The following BCO1 variants were observed in gnomAD, a reference collection of about 807,000 sequenced individuals.
BCO1 encodes beta-carotene oxygenase 1, also known as beta,beta-carotene 15,15'-dioxygenase.
Under a neutral mutation model 56.3 loss-of-function variants are expected in BCO1, and 54 were observed. That is an observed-to-expected ratio of 0.96 (90% CI 0.77 to 1.20). The LOEUF (loss-of-function observed/expected upper bound fraction) is 1.20. BCO1 is among the 50% of genes most tolerant of loss of function. BCO1 has a pLI of 0.00. For synonymous variants in BCO1, 318 were observed against 266.1 expected (o/e 1.20, Z -1.90); for missense variants, 801 against 690.9 (o/e 1.16, Z -1.79).
chr16:81,274,509 C>T (rs1414804584), intron 7 of BCO1, among the ~76,000 whole-genome samples: 1 of 152,132 alleles, frequency 6.6e-6, no homozygotes, highest in African/African-American at 2.4e-5. Context: ...CGTGATCCGC[C>T]TGCCTCAGCC....
chr16:81,272,280 AT>A lies in BCO1; in HGVS notation c.1101+1874del, dbSNP rs895412645. Among the ~76,000 whole-genome samples the A allele has an allele frequency of 1.0e-3, 154 of 147,502 alleles. 1 individual carries two copies. Among genetic ancestry groups the A allele is most frequent in the South Asian group, 2.8e-3 (13 of 4,660 alleles). ...AGACACCTGCCACCACGCCTGGCTA[AT>A]TTTTTTTTTGTATTTTTTAGTAGAG... On this transcript the variant is annotated intron_variant, in intron 7 of 10. Coordinates refer to ENST00000258168, the MANE Select transcript of BCO1 (RefSeq NM_017429.3).
intron 2 of BCO1, among the ~76,000 whole-genome samples, chr16:81,247,738 C>T: frequency 6.6e-6 from 1 of 152,016 alleles, no homozygotes; most frequent in East Asian, 1.9e-4. Context: ...GTTGGTCAGG[C>T]TGTTCTCGAA....
intron 2 of BCO1, among the ~76,000 whole-genome samples, chr16:81,250,536 A>C (rs1292641512): frequency 6.6e-6 from 1 of 151,512 alleles, no homozygotes; most frequent in African/African-American, 2.4e-5. Flanking sequence ...CAAAGCCAAT[A>C]ACTCTCAAAA....
At chr16:81,265,051 ACCATCCAT>A (rs991927464) in intron 5 of BCO1, among the ~76,000 whole-genome samples, 4 of 151,974 alleles carry the variant, frequency 2.6e-5, no homozygotes, top group African/African-American at 9.7e-5. Context: ...CTACCCATCT[ACCATCCAT>A]CCATCCATCA....
intron 2 of BCO1, among the ~76,000 whole-genome samples, chr16:81,254,884 C>T (rs778908813): frequency 2.0e-5 from 3 of 152,126 alleles, no homozygotes; most frequent in African/African-American, 7.2e-5. Context: ...GTAGCCTTGA[C>T]CTCCCAGGCT....
chr16:81,285,426 A>C (rs1468985410), intron 8 of BCO1, 114 bp from the exon 9 acceptor site: 1 of 802,402 alleles, frequency 1.2e-6, no homozygotes, highest in East Asian at 2.5e-5. Flanking sequence ...ATCAAGCTCA[A>C]GGATCTTGGT....
Position 81,290,357 on chromosome 16 carries a change from TATC to T in BCO1, c.1426_1428del (p.Ser476del). 3 of 1,613,754 alleles carry T rather than the reference TATC, an allele frequency of 1.9e-6. No homozygotes were observed. The highest frequency in any genetic ancestry group is 2.5e-6 in the Non-Finnish European group (3 of 1,179,600). On this transcript the variant is annotated inframe_deletion, in exon 11 of 11. Transcript: ENST00000258168. ...TTCTGTTTCCCTAAAGGAGTAATCTTATCAGCCATTGTCTCTACTGATCCCCAA... is the reference window on the plus strand; with the variant it reads ...TTCTGTTTCCCTAAAGGAGTAATCTTAGCCATTGTCTCTACTGATCCCCAA...
At chr16:81,267,387 C>G (rs924064763) in intron 5 of BCO1, among the ~76,000 whole-genome samples, 2 of 152,150 alleles carry the variant, frequency 1.3e-5, no homozygotes, top group Non-Finnish European at 2.9e-5. Flanking sequence ...CCGAGGCGGG[C>G]AGATCACCTG....
At chr16:81,272,657 A>G (rs150917609) in intron 7 of BCO1, among the ~76,000 whole-genome samples, 4 of 152,202 alleles carry the variant, frequency 2.6e-5, no homozygotes, top group African/African-American at 4.8e-5. Context: ...AGAGACTTAC[A>G]AAGGCTTCTG....
intron 1 of BCO1, among the ~76,000 whole-genome samples, chr16:81,243,556 C>T (rs953776380): frequency 9.9e-5 from 15 of 152,254 alleles, no homozygotes; most frequent in African/African-American, 2.9e-4. Context: ...GCAACCTCCC[C>T]CTTCCGGGTT....
At chr16:81,255,394 C>G (rs1906067628) in intron 2 of BCO1, among the ~76,000 whole-genome samples, 1 of 152,190 alleles carries the variant, frequency 6.6e-6, no homozygotes, top group South Asian at 2.1e-4. Context: ...CTGTGAGTAC[C>G]CAAGCCCTTT....
chr16:81,249,186 G>A (rs1275707818), intron 2 of BCO1, among the ~76,000 whole-genome samples: 1 of 150,762 alleles, frequency 6.6e-6, no homozygotes, highest in Non-Finnish European at 1.5e-5. Context: ...CGCCTTCCAG[G>A]TTCAAGTGAT....
At chr16:81,267,885 A>G in intron 5 of BCO1, 23 bp from the exon 6 acceptor site, 1 of 1,608,674 alleles carries the variant, frequency 6.2e-7, no homozygotes, top group Middle Eastern at 1.7e-4. Context: ...ACAATTCCTG[A>G]GGCTTGCTTT....
intron 3 of BCO1, 26 bp downstream of exon 3, chr16:81,259,831 A>C: frequency 6.2e-7 from 1 of 1,614,062 alleles, no homozygotes; most frequent in Non-Finnish European, 8.5e-7. Flanking sequence ...AAATCTGAGC[A>C]AATTTCATGC....
chr16:81,269,746 C>T (rs370997643), intron 6 of BCO1, among the ~76,000 whole-genome samples: 3 of 152,160 alleles, frequency 2.0e-5, no homozygotes, highest in East Asian at 3.9e-4. Flanking sequence ...GGGATTACAG[C>T]ATGAGCCACT....
chr16:81,262,144 C>T lies in BCO1; in HGVS notation c.332C>T (p.Ser111Phe). Residue 111 changes from serine (S) to phenylalanine (F), a missense_variant, in exon 4 of 11, where the codon TCC (serine) becomes TTC (phenylalanine). Coordinates refer to ENST00000258168, the MANE Select transcript of BCO1 (RefSeq NM_017429.3). ...TTTGCTTTTCTCCCCAGAGCTTTCT[C>T]CTACTTGTCTCACACCATCCCCGAT... Reference protein sequence around the residue: ...PCKNIFSKAFSYLSHTIPDFT... With the variant: ...PCKNIFSKAFFYLSHTIPDFT... 6.2e-7 allele frequency: 1 copy of T among 1,613,924 alleles called. No individual in the cohort carries two copies. Among genetic ancestry groups the T allele is most frequent in the Non-Finnish European group, 8.5e-7 (1 of 1,179,988 alleles).
intron 2 of BCO1, among the ~76,000 whole-genome samples, chr16:81,247,205 T>C (rs951861792): frequency 5.3e-5 from 8 of 152,332 alleles, no homozygotes; most frequent in Admixed American, 2.6e-4. Context: ...CTTTAATTCC[T>C]GTGTTCTAAT....
chr16:81,265,552 ACCAT>A (rs1407768819), intron 5 of BCO1, among the ~76,000 whole-genome samples: 6 of 129,014 alleles, frequency 4.7e-5, no homozygotes, highest in Non-Finnish European at 9.6e-5. Context: ...TCACTTACCC[ACCAT>A]CCATCCATCC....
At chr16:81,240,864 C>A (rs768897404) in intron 1 of BCO1, among the ~76,000 whole-genome samples, 21 of 125,060 alleles carry the variant, frequency 1.7e-4, no homozygotes, top group Non-Finnish European at 2.9e-4. Context: ...GAAGGAGTTT[C>A]ACTCTTGTTG....
Sources: gnomAD v4.1 joint callset for allele counts (sites outside exome capture counted in the v4.1 genomes callset) on GRCh38, gnomAD v4.1.1 for gene constraint, MANE v1.5 for transcripts, NCBI Gene and HGNC (gene_info 2026-07-23, HGNC 2026-07-21) for gene names.